Variants in PRELID2 observed in about 807,000 individuals in gnomAD.
PRELID2 encodes the protein PRELI domain-containing protein 2.
A neutral mutation model predicts 28.4 loss-of-function variants in PRELID2; 25 were observed. That is an observed-to-expected ratio of 0.88 (90% CI 0.64 to 1.23). The LOEUF (loss-of-function observed/expected upper bound fraction) is 1.23, where lower values mean the gene tolerates loss of function less well. PRELID2 is among the 50% of genes most tolerant of loss of function. PRELID2 has a pLI of 0.00. For missense variants in PRELID2, 201 were observed against 214.4 expected (o/e 0.94, Z 0.39); for synonymous variants, 76 against 71.6 (o/e 1.06, Z -0.31).
chr5:145,586,507 G>A (rs1281577899), intron 1 of PRELID2, among the ~76,000 whole-genome samples: 1 of 152,050 alleles, frequency 6.6e-6, no homozygotes, highest in African/African-American at 2.4e-5. Flanking sequence ...CATTGCTTAA[G>A]TGCCCTTCTC....
the PRELID2 span, among the ~76,000 whole-genome samples, chr5:145,237,249 C>T: frequency 6.6e-6 from 1 of 152,096 alleles, no homozygotes; most frequent in Non-Finnish European, 1.5e-5. Flanking sequence ...TTCTAAGTCA[C>T]CAAGACAGTG....
intron 1 of PRELID2, among the ~76,000 whole-genome samples, chr5:145,483,475 G>A (rs1752185221): frequency 6.6e-6 from 1 of 152,228 alleles, no homozygotes; most frequent in Admixed American, 6.5e-5. Flanking sequence ...GACCAGCCTA[G>A]TCTAGTCCAG....
chr5:145,317,549 G>T, the PRELID2 span, among the ~76,000 whole-genome samples: 3 of 152,164 alleles, frequency 2.0e-5, no homozygotes, highest in African/African-American at 7.2e-5. Context: ...TTACCAGTCT[G>T]CCAGGTCATT....
At chr5:145,259,999 G>A in the PRELID2 span, among the ~76,000 whole-genome samples, 1 of 152,164 alleles carries the variant, frequency 6.6e-6, no homozygotes, top group Admixed American at 6.5e-5. Context: ...CATCCCGTTA[G>A]TGCTGTTCTT....
At chr5:145,635,657 C>T (rs749406747) in intron 1 of PRELID2, among the ~76,000 whole-genome samples, 14 of 152,328 alleles carry the variant, frequency 9.2e-5, no homozygotes, top group Non-Finnish European at 1.3e-4. Flanking sequence ...GAGTGTGCAG[C>T]ATGACTCTAA....
the PRELID2 span, among the ~76,000 whole-genome samples, chr5:145,291,776 T>C: frequency 4.6e-5 from 7 of 152,220 alleles, no homozygotes; most frequent in African/African-American, 1.4e-4. Context: ...CTTAGATCTA[T>C]GATCTATTTT....
At chr5:145,414,938 T>C in the PRELID2 span, among the ~76,000 whole-genome samples, 3 of 152,178 alleles carry the variant, frequency 2.0e-5, no homozygotes, top group Non-Finnish European at 2.9e-5. Context: ...AACTCTAGGC[T>C]GCAGTGAGAA....
chr5:145,631,686 C>T (rs535846564), intron 1 of PRELID2, among the ~76,000 whole-genome samples: 36 of 152,254 alleles, frequency 2.4e-4, no homozygotes, highest in East Asian at 1.9e-3. Flanking sequence ...ATTCAATAAA[C>T]ATTTGTCAAT....
chr5:145,295,639 A>T, the PRELID2 span, among the ~76,000 whole-genome samples: 2 of 152,268 alleles, frequency 1.3e-5, no homozygotes, highest in East Asian at 3.9e-4. Flanking sequence ...AATCTGGAAG[A>T]GTTCTTTAGA....
At chr5:145,778,760 G>A (rs1042331534) in intron 5 of PRELID2, among the ~76,000 whole-genome samples, 17 of 152,196 alleles carry the variant, frequency 1.1e-4, no homozygotes, top group Non-Finnish European at 7.4e-5. Context: ...TGGAGGCGTG[G>A]AAGCCAGGGC....
At chr5:145,256,978 T>A in the PRELID2 span, among the ~76,000 whole-genome samples, 12 of 151,906 alleles carry the variant, frequency 7.9e-5, no homozygotes, top group African/African-American at 2.9e-4. Context: ...CTACATGAAG[T>A]GTTTTTAAAA....
intron 1 of PRELID2, among the ~76,000 whole-genome samples, chr5:145,578,829 T>C (rs1198107966): frequency 1.3e-5 from 2 of 152,060 alleles, no homozygotes; most frequent in Non-Finnish European, 2.9e-5. Context: ...AATGGTGCCA[T>C]TAAGTAGATT....
At chr5:145,554,713 G>A (rs1052895533) in intron 1 of PRELID2, among the ~76,000 whole-genome samples, 1 of 152,192 alleles carries the variant, frequency 6.6e-6, no homozygotes, top group Non-Finnish European at 1.5e-5. Flanking sequence ...TTTTTGAAAA[G>A]CCAGGCAGTT....
intron 1 of PRELID2, among the ~76,000 whole-genome samples, chr5:145,511,304 C>G (rs1184714288): frequency 6.6e-6 from 1 of 152,156 alleles, no homozygotes; most frequent in South Asian, 2.1e-4. Context: ...AAAATAGTAC[C>G]GTTATATACT....
intron 1 of PRELID2, among the ~76,000 whole-genome samples, chr5:145,536,148 ACT>A: frequency 6.6e-6 from 1 of 152,006 alleles, no homozygotes; most frequent in Non-Finnish European, 1.5e-5. Context: ...TCTCTCCATT[ACT>A]CTGTTAAGGG....
At chr5:145,277,394 G>A in the PRELID2 span, among the ~76,000 whole-genome samples, 1 of 152,060 alleles carries the variant, frequency 6.6e-6, no homozygotes, top group Non-Finnish European at 1.5e-5. Flanking sequence ...TGAAACTTTA[G>A]AGTGTTGCTC....
chr5:145,458,973 T>C, the PRELID2 span, among the ~76,000 whole-genome samples: 2 of 152,192 alleles, frequency 1.3e-5, no homozygotes, highest in Admixed American at 1.3e-4. Context: ...AGAGCATGAA[T>C]ATAAATTATC....
At chr5:145,659,846 AT>A (rs1170130594) in intron 1 of PRELID2, among the ~76,000 whole-genome samples, 4 of 152,194 alleles carry the variant, frequency 2.6e-5, no homozygotes, top group Non-Finnish European at 4.4e-5. Context: ...AATACTTACA[AT>A]TTTTTTAAAT....
intron 1 of PRELID2, among the ~76,000 whole-genome samples, chr5:145,669,187 G>C (rs898478117): frequency 1.3e-5 from 2 of 152,014 alleles, no homozygotes; most frequent in South Asian, 4.1e-4. Context: ...AAAAAATATT[G>C]GTTTCAGATT....
Sources: gnomAD v4.1 joint callset for allele counts (sites outside exome capture counted in the v4.1 genomes callset) on GRCh38, gnomAD v4.1.1 for gene constraint, MANE v1.5 for transcripts, NCBI Gene and HGNC (gene_info 2026-07-23, HGNC 2026-07-21) for gene names.